Variants in GALNT7 observed in about 807,000 individuals in gnomAD.
GALNT7 encodes polypeptide N-acetylgalactosaminyltransferase 7.
Under a neutral mutation model 82.1 loss-of-function variants are expected in GALNT7, and 60 were observed. The ratio of observed to expected loss-of-function variants is 0.73; its 90% CI spans 0.59 to 0.91. The LOEUF (loss-of-function observed/expected upper bound fraction) is 0.91, where lower values mean the gene tolerates loss of function less well. Ranked by LOEUF, GALNT7 falls within the 40% of genes least tolerant of loss-of-function variation. The pLI is 0.00. For missense variants in GALNT7, 660 were observed against 804.2 expected, an observed-to-expected ratio of 0.82 and a Z score of 2.17; for synonymous variants, 243 against 275.1, an observed-to-expected ratio of 0.88 and a Z score of 1.15.
chr4:173,311,096 C>A (rs115236819), intron 8 of GALNT7, among the ~76,000 whole-genome samples: 1 of 152,214 alleles, frequency 6.6e-6, no homozygotes, highest in Non-Finnish European at 1.5e-5. Context: ...ACTTGCTATA[C>A]TGCAATACAC....
rs988839523 is a variant in GALNT7 at position 173,248,074 on chromosome 4, A to G, written c.221A>G (p.His74Arg). 4 of 1,613,544 alleles carry G rather than the reference A, an allele frequency of 2.5e-6. No individual in the cohort carries two copies. Among genetic ancestry groups the G allele is most frequent in the Non-Finnish European group, 3.4e-6 (4 of 1,179,644 alleles). Residue 74 changes from histidine (H) to arginine (R), a missense_variant, in exon 2 of 12, where the codon CAT becomes CGT. Physicochemically the swap from His to Arg is conservative, Grantham distance 29 (BLOSUM62 0). Around this residue, in one of 2 missense-constraint regions of GALNT7, gnomAD observed 133 missense variants for 120.7 expected, o/e 1.10. Coordinates refer to ENST00000265000, the MANE Select transcript of GALNT7 (RefSeq NM_017423.3). ...DRFKPVVPWPHVEGVEVDLES... is the reference protein window; with the variant it reads ...DRFKPVVPWPRVEGVEVDLES... ...TTCAAACCTGTGGTACCATGGCCTC[A>G]TGTTGAAGGAGTAGAAGTGGACTTA...
intron 2 of GALNT7, among the ~76,000 whole-genome samples, chr4:173,274,900 T>C (rs2126795369): frequency 6.6e-6 from 1 of 152,348 alleles, no homozygotes; most frequent in East Asian, 1.9e-4. Context: ...GATGCTCATG[T>C]GCCTTCTCTG....
Position 173,248,278 on chromosome 4 carries a change from C to A in GALNT7, c.425C>A (p.Pro142His). Residue 142 changes from proline (P) to histidine (H), a missense_variant, in exon 2 of 12, where the codon CCT (proline) becomes CAT (histidine). Physicochemically the swap from Pro to His is moderately conservative, Grantham distance 77. Transcript: ENST00000265000. ...LGNFEPKEPE[P>H]PGVVGGPGEK... Reference sequence around the variant, plus strand: ...AACTTTGAACCCAAAGAACCTGAGCCTCCTGGAGTGGTTGGTGGCCCTGGA... The same window carrying A: ...AACTTTGAACCCAAAGAACCTGAGCATCCTGGAGTGGTTGGTGGCCCTGGA... 1 of 1,613,928 alleles carries A rather than the reference C, an allele frequency of 6.2e-7. No individual in the cohort carries two copies. Among genetic ancestry groups the A allele is most frequent in the Non-Finnish European group, 8.5e-7 (1 of 1,179,872 alleles).
chr4:173,232,272 A>T (rs893021923), intron 1 of GALNT7, among the ~76,000 whole-genome samples: 5 of 141,068 alleles, frequency 3.5e-5, no homozygotes, highest in Non-Finnish European at 6.1e-5. Context: ...TCAGTCTCTT[A>T]AAAAAAAAAA....
At chr4:173,175,444 A>G (rs1171931452) in intron 1 of GALNT7, among the ~76,000 whole-genome samples, 1 of 152,222 alleles carries the variant, frequency 6.6e-6, no homozygotes, top group Admixed American at 6.5e-5. Flanking sequence ...CCAGGATTCA[A>G]TCTCAGGTGT....
rs1736592019 is a variant in GALNT7 at position 173,292,799 on chromosome 4, A to T, written c.754+525A>T. On this transcript the variant is annotated intron_variant, in intron 3 of 11. Coordinates refer to ENST00000265000, the MANE Select transcript of GALNT7 (RefSeq NM_017423.3). The surrounding 1 kb of genome is among the most constrained non-coding windows in gnomAD (Gnocchi z 4.8). ...GTGCAGCTGATCCTTTTATTAACTA[A>T]TCATTTTTAAGTATCCTAGAGAATG... Among the ~76,000 whole-genome samples, 1 of 152,146 alleles carries T rather than the reference A, an allele frequency of 6.6e-6. No individual in the cohort carries two copies. Among genetic ancestry groups the T allele is most frequent in the Non-Finnish European group, 1.5e-5 (1 of 68,016 alleles).
chr4:173,177,377 T>C (rs1732081640), intron 1 of GALNT7, among the ~76,000 whole-genome samples: 1 of 152,126 alleles, frequency 6.6e-6, no homozygotes, highest in African/African-American at 2.4e-5. Context: ...AGTGAAGGTG[T>C]CTTAACCAGG....
intron 1 of GALNT7, among the ~76,000 whole-genome samples, chr4:173,244,592 A>G (rs970444920): frequency 3.9e-5 from 6 of 152,296 alleles, no homozygotes; most frequent in South Asian, 2.1e-4. Context: ...TATAAAATAG[A>G]CATGGCAATC....
chr4:173,297,954 A>G, intron 5 of GALNT7, 161 bp from the exon 6 acceptor site: 1 of 1,477,860 alleles, frequency 6.8e-7, no homozygotes, highest in Non-Finnish European at 8.9e-7. Flanking sequence ...AGGCCAAAAG[A>G]AAACATAAAA....
At position 173,304,123 on chromosome 4, in the gene GALNT7, G is replaced by GT. The variant is rs763578569; in HGVS notation, c.1389+11dup. On this transcript the variant is annotated splice_donor_region_variant and intron_variant, in intron 8 of 11. Coordinates refer to ENST00000265000, the MANE Select transcript of GALNT7 (RefSeq NM_017423.3). ...GGGTCTTCTCCAACTCTGAAGGTGA[G>GT]TTTTTTGGATAAAAGGGGAGGACAG... 7 of 1,611,350 alleles carry GT rather than the reference G, an allele frequency of 4.3e-6. No homozygotes were observed. The African/African-American group carries it at 8.0e-5, about 18-fold the overall frequency.
chr4:173,303,194 C>CA (rs567660945), intron 7 of GALNT7, among the ~76,000 whole-genome samples: 18,717 of 128,106 alleles, frequency 0.15, 1,399 homozygotes, highest in African/African-American at 0.24. Context: ...GACTCCGTCT[C>CA]AAAAAAAAAA....
intron 2 of GALNT7, among the ~76,000 whole-genome samples, chr4:173,264,163 T>C (rs764245465): frequency 6.6e-6 from 1 of 152,188 alleles, no homozygotes; most frequent in Non-Finnish European, 1.5e-5. Flanking sequence ...AAGAAAAATA[T>C]CTGCTATATG....
At chr4:173,242,780 G>A (rs1172081378) in intron 1 of GALNT7, among the ~76,000 whole-genome samples, 13 of 152,180 alleles carry the variant, frequency 8.5e-5, no homozygotes, top group South Asian at 2.1e-4. Context: ...CTACTGGCAC[G>A]CCTTGTTCCC....
intron 1 of GALNT7, among the ~76,000 whole-genome samples, chr4:173,226,293 A>G (rs943408793): frequency 6.6e-6 from 1 of 152,186 alleles, no homozygotes; most frequent in Non-Finnish European, 1.5e-5. Flanking sequence ...CCATAAACTC[A>G]AAGTCTTTTT....
intron 11 of GALNT7, 134 bp downstream of exon 11, chr4:173,318,693 G>T (rs1737692800): frequency 1.7e-6 from 1 of 599,296 alleles, no homozygotes; most frequent in Non-Finnish European, 2.9e-6. Flanking sequence ...TTAGTCCCTT[G>T]CATAGGTTTT....
chr4:173,321,746 T>C lies in GALNT7; in HGVS notation c.*29T>C, dbSNP rs1227763851. On this transcript the variant is annotated 3_prime_UTR_variant, in exon 12 of 12. Coordinates refer to ENST00000265000, the MANE Select transcript of GALNT7 (RefSeq NM_017423.3). Reference sequence around the variant, plus strand: ...GAAAAAAATAAACCAATAACCTACCTACTGACAAGTAAATTTATACAGGAC... The same window carrying C: ...GAAAAAAATAAACCAATAACCTACCCACTGACAAGTAAATTTATACAGGAC... 1 of 1,512,088 alleles carries C rather than the reference T, an allele frequency of 6.6e-7. No homozygotes were observed. Among genetic ancestry groups the C allele is most frequent in the South Asian group, 1.1e-5 (1 of 88,416 alleles). The allele number at this position is 1,512,088 out of a possible 1,614,324, so 93.7% of individuals were successfully genotyped here. A position where few individuals can be genotyped will look rare whatever the true frequency, so the allele number is the denominator to read the frequency against.
intron 1 of GALNT7, among the ~76,000 whole-genome samples, chr4:173,227,282 A>G (rs1168551512): frequency 6.6e-6 from 1 of 152,168 alleles, no homozygotes; most frequent in African/African-American, 2.4e-5. Flanking sequence ...AGAGATCACT[A>G]AAGAGCAAAG....
At chr4:173,187,228 A>G (rs1732488749) in intron 1 of GALNT7, among the ~76,000 whole-genome samples, 1 of 152,226 alleles carries the variant, frequency 6.6e-6, no homozygotes, top group South Asian at 2.1e-4. Context: ...TACTATACAT[A>G]GACATAGTCC....
intron 2 of GALNT7, among the ~76,000 whole-genome samples, chr4:173,269,412 C>T (rs1335448706): frequency 6.6e-6 from 1 of 152,146 alleles, no homozygotes; most frequent in Non-Finnish European, 1.5e-5. Flanking sequence ...GGGAAGGCAG[C>T]TGGAATCATG....
Sources: allele counts gnomAD v4.1 joint callset (sites outside exome capture counted in the v4.1 genomes callset), GRCh38; gene constraint gnomAD v4.1.1; regional missense constraint gnomAD v4.1.1; non-coding constraint Gnocchi (gnomAD v3.1); transcripts MANE v1.5; gene names NCBI Gene and HGNC (gene_info 2026-07-23, HGNC 2026-07-21).